The following CCDC148 variants were observed in gnomAD, a reference collection of about 807,000 sequenced individuals.
The protein encoded by CCDC148 is coiled-coil domain containing 148, also known as coiled-coil domain-containing protein 148.
In CCDC148, 89 loss-of-function variants were observed where a neutral mutation model predicts 85.7. The observed-to-expected ratio is 1.04, with a 90% CI of 0.87 to 1.24. The LOEUF is 1.24. Among genes scored for constraint, CCDC148 ranks in the 50% most tolerant of loss-of-function variants. CCDC148 has a pLI of 0.00. For missense variants in CCDC148, 692 were observed against 671.7 expected, an observed-to-expected ratio of 1.03 and a Z score of -0.33; for synonymous variants, 230 against 213.9, an observed-to-expected ratio of 1.08 and a Z score of -0.66.
At chr2:158,409,179 G>A (rs565518345) in intron 1 of CCDC148, among the ~76,000 whole-genome samples, 20 of 152,264 alleles carry the variant, frequency 1.3e-4, no homozygotes, top group South Asian at 1.0e-3. Flanking sequence ...GAGCCCCCAC[G>A]CAGAGTCCCT....
intron 11 of CCDC148, among the ~76,000 whole-genome samples, chr2:158,180,449 C>T (rs1684842406): frequency 3.9e-5 from 6 of 152,116 alleles, no homozygotes. Context: ...AATCACTGCA[C>T]TGTGGGAGGG....
At chr2:158,361,929 A>G (rs1247611068) in intron 1 of CCDC148, among the ~76,000 whole-genome samples, 2 of 148,784 alleles carry the variant, frequency 1.3e-5, no homozygotes, top group Non-Finnish European at 3.0e-5. Context: ...GATCCATCTC[A>G]TGTGCAAAGA....
At chr2:158,278,342 C>T (rs530251340) in intron 9 of CCDC148, among the ~76,000 whole-genome samples, 8 of 152,122 alleles carry the variant, frequency 5.3e-5, no homozygotes, top group East Asian at 1.9e-4. Context: ...ACTCGGGATG[C>T]GAAAGGGATC....
At chr2:158,307,954 A>C (rs866639194) in intron 9 of CCDC148, among the ~76,000 whole-genome samples, 2 of 152,096 alleles carry the variant, frequency 1.3e-5, no homozygotes, top group African/African-American at 4.8e-5. Flanking sequence ...GTGGTTTTTC[A>C]TGGGTATGCG....
intron 1 of CCDC148, among the ~76,000 whole-genome samples, chr2:158,412,840 T>C (rs1282360570): frequency 8.5e-6 from 1 of 117,570 alleles, no homozygotes; most frequent in African/African-American, 2.7e-5. Context: ...TTATTATTAT[T>C]ATTATTATTA....
chr2:158,309,951 A>C (rs934597426), intron 8 of CCDC148, among the ~76,000 whole-genome samples: 1 of 152,192 alleles, frequency 6.6e-6, no homozygotes, highest in African/African-American at 2.4e-5. Flanking sequence ...TTTATTGAGC[A>C]TTCTTGGGTG....
At chr2:158,441,760 G>C (rs899191653) in intron 1 of CCDC148, among the ~76,000 whole-genome samples, 1 of 152,110 alleles carries the variant, frequency 6.6e-6, no homozygotes. Flanking sequence ...CCTTAGAAGA[G>C]AGGAAAAGTG....
intron 2 of CCDC148, among the ~76,000 whole-genome samples, chr2:158,350,325 T>C: frequency 6.6e-6 from 1 of 152,192 alleles, no homozygotes; most frequent in African/African-American, 2.4e-5. Context: ...CATTCTACAT[T>C]CAGCCAAAAT....
intron 9 of CCDC148, among the ~76,000 whole-genome samples, chr2:158,285,028 T>G (rs1175833577): frequency 6.6e-6 from 1 of 152,198 alleles, no homozygotes; most frequent in Non-Finnish European, 1.5e-5. Flanking sequence ...TGGCTCATAC[T>G]TGTAATCTCA....
intron 1 of CCDC148, among the ~76,000 whole-genome samples, chr2:158,389,132 C>G (rs894939612): frequency 6.6e-6 from 1 of 152,124 alleles, no homozygotes; most frequent in Admixed American, 6.6e-5. Flanking sequence ...TTAAAAATTA[C>G]GTTTGAAATA....
chr2:158,433,092 AT>A lies in CCDC148; in HGVS notation c.25+23322del, dbSNP rs1475852238. ...ATCTCTACAAAAAAAAAAAAAAAAA[AT>A]ATATATATATATATATATGACTTGG... On this transcript the variant is annotated intron_variant, in intron 1 of 13. Coordinates refer to ENST00000283233, the MANE Select transcript of CCDC148 (RefSeq NM_138803.4). Among the ~76,000 whole-genome samples the A allele has an allele frequency of 1.9e-3, 127 of 67,312 alleles. 2 individuals carry two copies. Among genetic ancestry groups the A allele is most frequent in the Middle Eastern group, 8.9e-3 (1 of 112 alleles). 44.2% of individuals were successfully genotyped at this position (67,312 alleles called of 152,430 possible). A position where few individuals can be genotyped will look rare whatever the true frequency, so the allele number is the denominator to read the frequency against.
Position 158,309,537 on chromosome 2 carries a change from C to A in CCDC148, c.1006G>T (p.Ala336Ser). 6.2e-7 allele frequency: 1 copy of A among 1,613,772 alleles called. No homozygotes were observed. Among genetic ancestry groups the A allele is most frequent in the Non-Finnish European group, 8.5e-7 (1 of 1,179,706 alleles). Residue 336 changes from alanine (A) to serine (S), a missense_variant, in exon 9 of 14, where the codon GCT becomes TCT. Coordinates refer to ENST00000283233, the MANE Select transcript of CCDC148 (RefSeq NM_138803.4). ...NKNKKDFIQK[A>S]VLTLTEACAT... ...CAAGCCTCAGTGAGTGTCAGCACAG[C>A]CTTCTGTATAAAGTCTTTCTTATTT...
chr2:158,210,678 T>C (rs1686517096), intron 11 of CCDC148, among the ~76,000 whole-genome samples: 1 of 150,092 alleles, frequency 6.7e-6, no homozygotes, highest in South Asian at 2.1e-4. Context: ...GTGCGGTGGC[T>C]CACACCTGTA....
intron 11 of CCDC148, among the ~76,000 whole-genome samples, chr2:158,179,521 A>C (rs1684783198): frequency 6.6e-6 from 1 of 151,970 alleles, no homozygotes; most frequent in African/African-American, 2.4e-5. Context: ...CATTGAAATC[A>C]CTTTATTAAC....
chr2:158,243,587 C>T (rs1369170435), intron 10 of CCDC148, among the ~76,000 whole-genome samples: 3 of 152,104 alleles, frequency 2.0e-5, no homozygotes, highest in South Asian at 2.1e-4. Context: ...TGGAGGCCTG[C>T]TAGTTTGAAA....
intron 11 of CCDC148, among the ~76,000 whole-genome samples, chr2:158,205,921 A>G (rs1686219099): frequency 6.6e-6 from 1 of 152,162 alleles, no homozygotes; most frequent in South Asian, 2.1e-4. Flanking sequence ...AGGTTCTCGC[A>G]TAGTAGAGAC....
intron 1 of CCDC148, among the ~76,000 whole-genome samples, chr2:158,400,215 G>C (rs1239471403): frequency 6.6e-6 from 1 of 152,018 alleles, no homozygotes; most frequent in East Asian, 1.9e-4. Flanking sequence ...CTACTTCAAA[G>C]TTCATATGAA....
At chr2:158,179,305 C>G (rs1019311470) in intron 11 of CCDC148, among the ~76,000 whole-genome samples, 1 of 149,252 alleles carries the variant, frequency 6.7e-6, no homozygotes, top group Non-Finnish European at 1.5e-5. Context: ...ATTACAGGTA[C>G]CCGCCACCAT....
chr2:158,198,642 ATACTT>A (rs576361394), intron 11 of CCDC148, among the ~76,000 whole-genome samples: 136 of 152,306 alleles, frequency 8.9e-4, no homozygotes, highest in Non-Finnish European at 1.6e-3. Flanking sequence ...TCTTCAGAGA[ATACTT>A]GAAATGGCTT....
Sources: allele counts gnomAD v4.1 joint callset (sites outside exome capture counted in the v4.1 genomes callset), GRCh38; gene constraint gnomAD v4.1.1; transcripts MANE v1.5; gene names NCBI Gene and HGNC (gene_info 2026-07-23, HGNC 2026-07-21).